Variants in ALMS1 observed in about 807,000 individuals in gnomAD.
ALMS1 encodes ALMS1 centrosome and basal body associated protein, also known as centrosome-associated protein ALMS1.
In ALMS1, 271 loss-of-function variants were observed where a neutral mutation model predicts 352.2. The ratio of observed to expected loss-of-function variants is 0.77; its 90% confidence interval spans 0.70 to 0.85. ALMS1 has a LOEUF of 0.85. Ranked by LOEUF, ALMS1 falls within the 40% of genes least tolerant of loss-of-function variation. ALMS1 has a pLI of 0.00. For synonymous variants in ALMS1, 1,865 were observed against 1,761.2 expected (o/e 1.06, Z -1.48); for missense variants, 5,445 against 4,870.7 (o/e 1.12, Z -3.51).
rs1672035459 is a variant in ALMS1 at position 73,455,248 on chromosome 2, A to C, written c.7627A>C (p.Ile2543Leu). Residue 2543 changes from isoleucine to leucine, a missense_variant, in exon 9 of 23, where the codon ATC (isoleucine) becomes CTC (leucine). By Grantham distance (5) the Ile-to-Leu change is conservative. Coordinates refer to ENST00000613296, the MANE Select transcript of ALMS1 (RefSeq NM_001378454.1). ...AGATGACAGGAGGAAAGTAGAAGAGATCAAGGCAGAGTTATTTGGTCATGG... is the reference window on the plus strand; with the variant it reads ...AGATGACAGGAGGAAAGTAGAAGAGCTCAAGGCAGAGTTATTTGGTCATGG... ...NEDDRRKVEEIKAELFGHGRT... is the reference protein window; with the variant it reads ...NEDDRRKVEELKAELFGHGRT... 6.2e-7 allele frequency: 1 copy of C among 1,614,052 alleles called. No individual in the cohort carries two copies. The highest frequency in any genetic ancestry group is 8.5e-7 in the Non-Finnish European group (1 of 1,180,016).
intron 16 of ALMS1, among the ~76,000 whole-genome samples, chr2:73,592,184 A>G (rs1257066300): frequency 6.6e-6 from 1 of 152,240 alleles, no homozygotes; most frequent in Non-Finnish European, 1.5e-5. Context: ...GGCACAGTAC[A>G]TTGTTAATTT....
Position 73,534,834 on chromosome 2 carries a change from A to G in ALMS1, c.9792A>G (p.Leu3264=). 2 of 1,613,482 alleles carry G rather than the reference A, an allele frequency of 1.2e-6. No individual in the cohort carries two copies. ...TFSRGTDGQP[L]LLPYKPSGST... ...TTTTTACCTCCTTAGGCCAGCCTTT[A>G]TTATTGCCATATAAGCCTTCTGGTA... Residue 3264 remains leucine, a synonymous_variant, in exon 12 of 23, where the codon TTA becomes TTG. Coordinates refer to ENST00000613296, the MANE Select transcript of ALMS1 (RefSeq NM_001378454.1).
chr2:73,421,223 A>G (rs1171695952), intron 3 of ALMS1, among the ~76,000 whole-genome samples: 2 of 152,194 alleles, frequency 1.3e-5, no homozygotes, highest in Non-Finnish European at 2.9e-5. Flanking sequence ...TTATACTTAA[A>G]TAGCTATTTT....
intron 5 of ALMS1, among the ~76,000 whole-genome samples, chr2:73,426,045 A>G (rs538417927): frequency 5.9e-5 from 9 of 152,310 alleles, no homozygotes; most frequent in Non-Finnish European, 1.2e-4. Flanking sequence ...TTGGGAAGAT[A>G]AAGTCTGTTC....
At chr2:73,403,192 T>G (rs1288691596) in intron 1 of ALMS1, among the ~76,000 whole-genome samples, 1 of 152,218 alleles carries the variant, frequency 6.6e-6, no homozygotes, top group Non-Finnish European at 1.5e-5. Context: ...TAATCAACTT[T>G]GAGTTGATTT....
rs114092708 is a variant in ALMS1 at position 73,411,638 on chromosome 2, G to A, written c.450+2891G>A. Reference sequence around the variant, plus strand: ...GTCAGAATAGCTGGAATATTATGCCGCTTTCTAGTTCACTTCCTTCTTATT... The same window carrying A: ...GTCAGAATAGCTGGAATATTATGCCACTTTCTAGTTCACTTCCTTCTTATT... On this transcript the variant is annotated intron_variant, in intron 2 of 22. Coordinates refer to ENST00000613296, the MANE Select transcript of ALMS1 (RefSeq NM_001378454.1). 5.3e-3 allele frequency among the ~76,000 whole-genome samples: 808 copies of A among 152,186 alleles called. 5 individuals carry two copies. The highest frequency in any genetic ancestry group is 0.01 in the Middle Eastern group (3 of 294).
intron 9 of ALMS1, among the ~76,000 whole-genome samples, chr2:73,466,201 A>T (rs1672339646): frequency 6.6e-6 from 1 of 152,196 alleles, no homozygotes; most frequent in Admixed American, 6.5e-5. Context: ...TTATTGCGGC[A>T]CTATTCACAA....
intron 10 of ALMS1, among the ~76,000 whole-genome samples, chr2:73,518,213 C>T (rs913915198): frequency 6.6e-6 from 1 of 151,774 alleles, no homozygotes; most frequent in Non-Finnish European, 1.5e-5. Context: ...TGTGAGGATG[C>T]AGTATTTGGT....
Position 73,603,299 on chromosome 2 carries a change from C to G in ALMS1, c.12357C>G (p.Ser4119=). 1 of 1,614,006 alleles carries G rather than the reference C, an allele frequency of 6.2e-7. No individual in the cohort carries two copies. Among genetic ancestry groups the G allele is most frequent in the Admixed American group, 1.7e-5 (1 of 60,006 alleles). The part of the protein sequence containing the change: ...PISKKEMIQR[S]KRIYEQLPEV... ...GCAAGAAGGAAATGATTCAGAGGTC[C>G]AAACGGTAAGACCAAGAAAACAAGA... The change falls in exon 21 of 23, where the codon TCC becomes TCG. Residue 4119 remains serine, a synonymous_variant. Transcript: ENST00000613296.
intron 1 of ALMS1, among the ~76,000 whole-genome samples, chr2:73,387,145 T>C (rs1003959254): frequency 3.3e-5 from 5 of 152,212 alleles, no homozygotes; most frequent in Admixed American, 3.3e-4. Flanking sequence ...GTGTAGAGTT[T>C]TGTCACTAAT....
Position 73,452,732 on chromosome 2 carries a change from A to C in ALMS1, c.6205A>C (p.Lys2069Gln). Residue 2069 changes from lysine to glutamine, a missense_variant, in exon 8 of 23, where the codon AAA becomes CAA. Lys to Gln is a moderately conservative substitution (Grantham distance 53). Transcript: ENST00000613296. ...GCAGTTGCCAGATAGAGATCAAAGT[A>C]AAGGTATTCTAAAGATTTCAGCTGT... Reference protein sequence around the residue: ...QQQLPDRDQSKGILKISAVPE... With the variant: ...QQQLPDRDQSQGILKISAVPE... 1.2e-6 allele frequency: 2 copies of C among 1,613,592 alleles called. No homozygotes were observed. The highest frequency in any genetic ancestry group is 1.7e-6 in the Non-Finnish European group (2 of 1,179,968).
chr2:73,443,622 T>C (rs1671757853), intron 7 of ALMS1, among the ~76,000 whole-genome samples: 1 of 152,202 alleles, frequency 6.6e-6, no homozygotes, highest in Non-Finnish European at 1.5e-5. Flanking sequence ...CTTTAAGCTC[T>C]TTGAGGGTAG....
chr2:73,502,593 A>G (rs1049788772), intron 10 of ALMS1, among the ~76,000 whole-genome samples: 1 of 152,008 alleles, frequency 6.6e-6, no homozygotes, highest in Non-Finnish European at 1.5e-5. Flanking sequence ...TTTCTAAGTG[A>G]GTTTTATCAT....
chr2:73,599,568 C>CTATT (rs1675627803), intron 17 of ALMS1, 47 bp downstream of exon 17: 1 of 1,582,066 alleles, frequency 6.3e-7, no homozygotes. Context: ...ATTGAAATGG[C>CTATT]TCTTAAACAT....
intron 7 of ALMS1, among the ~76,000 whole-genome samples, chr2:73,445,036 T>A (rs868379863): frequency 9.5e-6 from 1 of 105,092 alleles, no homozygotes; most frequent in South Asian, 4.0e-4. Context: ...AAACATGAAT[T>A]TGAGTTTACT....
Position 73,541,440 on chromosome 2 carries a change from G to C in ALMS1, c.9907+6491G>C, listed in dbSNP as rs188292511. ...AAGCAGGAAAGATCGAAAATTGACA[G>C]CCTAACATCACAATTAAAAGAACTA... On this transcript the variant is annotated intron_variant, in intron 12 of 22. Transcript: ENST00000613296. Among the ~76,000 whole-genome samples the C allele has an allele frequency of 4.0e-3, 610 of 152,196 alleles. 5 individuals are homozygous for C. The highest frequency in any genetic ancestry group is 0.012 in the African/African-American group (504 of 41,544).
At position 73,424,456 on chromosome 2, in the gene ALMS1, C is replaced by G. The variant is rs759022097; in HGVS notation, c.791C>G (p.Thr264Ser). 1.9e-6 allele frequency: 3 copies of G among 1,596,754 alleles called. No individual in the cohort carries two copies. Among genetic ancestry groups the G allele is most frequent in the Non-Finnish European group, 2.6e-6 (3 of 1,173,718 alleles). The change falls in exon 5 of 23, where the codon ACT (threonine) becomes AGT (serine). Residue 264 changes from threonine to serine, a missense_variant. Thr to Ser is a moderately conservative substitution (Grantham distance 58, BLOSUM62 1). Transcript: ENST00000613296. ...GGAATTCCTGATAAGTCTGAAGATA[C>G]TGAATGGTCTTCTCGACCATCGGAA... is the stretch of plus-strand genomic sequence containing the variant. The part of the protein sequence containing the change: ...LRGIPDKSED[T>S]EWSSRPSEVS...
intron 2 of ALMS1, among the ~76,000 whole-genome samples, chr2:73,417,824 TATTAA>T (rs1671206284): frequency 6.6e-6 from 1 of 152,238 alleles, no homozygotes; most frequent in African/African-American, 2.4e-5. Context: ...TATTAACTAA[TATTAA>T]ATTCAAAAGG....
At chr2:73,524,323 A>T (rs1299561034) in intron 11 of ALMS1, among the ~76,000 whole-genome samples, 2 of 152,246 alleles carry the variant, frequency 1.3e-5, no homozygotes, top group Non-Finnish European at 2.9e-5. Context: ...TTTATGAGGT[A>T]CATGAGCTAT....
Sources: allele counts gnomAD v4.1 joint callset (sites outside exome capture counted in the v4.1 genomes callset), GRCh38; gene constraint gnomAD v4.1.1; transcripts MANE v1.5; gene names NCBI Gene and HGNC (gene_info 2026-07-23, HGNC 2026-07-21).